Variants in SSBP2 observed in about 807,000 individuals in gnomAD.
SSBP2 encodes single-stranded DNA-binding protein 2.
Under a neutral mutation model 61.8 loss-of-function variants are expected in SSBP2, and 17 were observed. The ratio of observed to expected loss-of-function variants is 0.28; its 90% confidence interval spans 0.19 to 0.41. The LOEUF is 0.41. Ranked by LOEUF, SSBP2 falls within the 10% of genes least tolerant of loss-of-function variation. The pLI is 1.00. For missense variants in SSBP2, 310 were observed against 458.7 expected, an observed-to-expected ratio of 0.68 and a Z score of 2.96; for synonymous variants, 139 against 141.3, an observed-to-expected ratio of 0.98 and a Z score of 0.12.
chr5:81,467,788 A>G (rs1378558461), intron 8 of SSBP2, among the ~76,000 whole-genome samples: 1 of 151,942 alleles, frequency 6.6e-6, no homozygotes, highest in Non-Finnish European at 1.5e-5. Flanking sequence ...TCTGATACCA[A>G]TATTCCTCCA....
chr5:81,493,267 TAGATAGATA>T (rs1767009373), intron 5 of SSBP2, among the ~76,000 whole-genome samples: 1 of 144,984 alleles, frequency 6.9e-6, no homozygotes, highest in Admixed American at 6.7e-5. Context: ...GATAGATAGA[TAGATAGATA>T]GATAGATAGA....
chr5:81,427,526 G>C (rs763793989), intron 16 of SSBP2, among the ~76,000 whole-genome samples: 28 of 152,208 alleles, frequency 1.8e-4, no homozygotes, highest in Non-Finnish European at 3.8e-4. Flanking sequence ...TCTGTTTTGG[G>C]AATGGAACAG....
At chr5:81,485,011 TCATTAA>T (rs1165491679) in intron 6 of SSBP2, among the ~76,000 whole-genome samples, 46 of 152,202 alleles carry the variant, frequency 3.0e-4, no homozygotes, top group Middle Eastern at 3.2e-3. Flanking sequence ...GTCACTCATA[TCATTAA>T]CATTATCTGT....
At chr5:81,493,762 A>T (rs1034387938) in intron 5 of SSBP2, among the ~76,000 whole-genome samples, 11 of 151,640 alleles carry the variant, frequency 7.3e-5, no homozygotes, top group East Asian at 1.9e-4. Context: ...TCTCAAAAAA[A>T]AAAATAAAAT....
chr5:81,723,059 T>A (rs1363241576), intron 1 of SSBP2, among the ~76,000 whole-genome samples: 2 of 152,040 alleles, frequency 1.3e-5, no homozygotes, highest in Non-Finnish European at 2.9e-5. Context: ...CTTATTCTTC[T>A]TTCCTTTCTT....
intron 6 of SSBP2, among the ~76,000 whole-genome samples, chr5:81,477,606 AC>A (rs982628401): frequency 1.3e-5 from 2 of 150,504 alleles, no homozygotes; most frequent in Non-Finnish European, 3.0e-5. Flanking sequence ...CTGCATGGCT[AC>A]CCCCCGCCCC....
intron 1 of SSBP2, among the ~76,000 whole-genome samples, chr5:81,736,065 T>C (rs1680045252): frequency 6.6e-6 from 1 of 152,048 alleles, no homozygotes; most frequent in Non-Finnish European, 1.5e-5. Flanking sequence ...TCATAATTCT[T>C]AGGCTGGCTT....
At chr5:81,615,638 G>GT in intron 3 of SSBP2, 81 bp from the exon 4 acceptor site, 1 of 933,248 alleles carries the variant, frequency 1.1e-6, no homozygotes, top group East Asian at 2.5e-5. Context: ...TAGAAGACAT[G>GT]TTTTTCTTTA....
intron 1 of SSBP2, among the ~76,000 whole-genome samples, chr5:81,654,251 G>C (rs553220162): frequency 6.6e-6 from 1 of 152,024 alleles, no homozygotes; most frequent in African/African-American, 2.4e-5. Context: ...AGGCATGAGC[G>C]ACTGGACCTA....
intron 4 of SSBP2, among the ~76,000 whole-genome samples, chr5:81,523,382 G>C (rs977545208): frequency 6.6e-6 from 1 of 151,986 alleles, no homozygotes; most frequent in African/African-American, 2.4e-5. Flanking sequence ...AGAAAAGGTA[G>C]ATAACAAGAA....
In SSBP2 at chr5:81,514,499, T is replaced by C. The variant is rs111787369; in HGVS notation, c.283-782A>G. Among the ~76,000 whole-genome samples the C allele has an allele frequency of 6.3e-3, 957 of 152,222 alleles. 11 individuals are homozygous for C. Among genetic ancestry groups the C allele is most frequent in the African/African-American group, 0.022 (924 of 41,570 alleles). Reference sequence around the variant, plus strand: ...AATACTTACATAGGGCAGTTATACATACAACTGTTCTACAATCATAGATTT... The same window carrying C: ...AATACTTACATAGGGCAGTTATACACACAACTGTTCTACAATCATAGATTT... On this transcript the variant is annotated intron_variant, in intron 4 of 16. Transcript: ENST00000320672.
intron 4 of SSBP2, among the ~76,000 whole-genome samples, chr5:81,527,499 C>T (rs1054982163): frequency 2.0e-5 from 3 of 151,898 alleles, no homozygotes; most frequent in African/African-American, 4.8e-5. Flanking sequence ...GGGTATCAAT[C>T]AAGTTTGAGG....
chr5:81,732,595 CT>C (rs1025645568), intron 1 of SSBP2, among the ~76,000 whole-genome samples: 18 of 151,954 alleles, frequency 1.2e-4, no homozygotes, highest in Non-Finnish European at 2.1e-4. Context: ...TAAGAACTTC[CT>C]TTTTTCACAG....
At chr5:81,750,462 G>T (rs1228873429) in intron 1 of SSBP2, among the ~76,000 whole-genome samples, 3 of 138,634 alleles carry the variant, frequency 2.2e-5, no homozygotes, top group African/African-American at 8.0e-5. Context: ...CTCGCCCCGC[G>T]CTCGCGGCCC....
intron 1 of SSBP2, among the ~76,000 whole-genome samples, chr5:81,749,314 T>C (rs1757560476): frequency 6.6e-6 from 1 of 152,214 alleles, no homozygotes; most frequent in Non-Finnish European, 1.5e-5. Flanking sequence ...TTTTGTTTTG[T>C]TTTGTTTTGC....
intron 2 of SSBP2, among the ~76,000 whole-genome samples, chr5:81,643,486 TACTGTTCCC>T (rs960329836): frequency 6.6e-6 from 1 of 151,990 alleles, no homozygotes; most frequent in African/African-American, 2.4e-5. Flanking sequence ...AGACATAACC[TACTGTTCCC>T]ACCAATTTTC....
intron 6 of SSBP2, among the ~76,000 whole-genome samples, chr5:81,483,792 C>T (rs1298574076): frequency 6.6e-6 from 1 of 151,734 alleles, no homozygotes; most frequent in Admixed American, 6.6e-5. Flanking sequence ...CACATTTATA[C>T]TTTTCTTTTT....
At chr5:81,690,436 G>T (rs1753116387) in intron 1 of SSBP2, among the ~76,000 whole-genome samples, 1 of 151,916 alleles carries the variant, frequency 6.6e-6, no homozygotes, top group African/African-American at 2.4e-5. Flanking sequence ...AAACCTAAAA[G>T]AACAGAAGTA....
At chr5:81,449,968 T>C (rs971560610) in intron 10 of SSBP2, among the ~76,000 whole-genome samples, 1 of 152,160 alleles carries the variant, frequency 6.6e-6, no homozygotes, top group African/African-American at 2.4e-5. Context: ...ATTTAGTGAA[T>C]GAATACAACT....
Sources: gnomAD v4.1 joint callset for allele counts (sites outside exome capture counted in the v4.1 genomes callset) on GRCh38, gnomAD v4.1.1 for gene constraint, MANE v1.5 for transcripts, NCBI Gene and HGNC (gene_info 2026-07-23, HGNC 2026-07-21) for gene names.